The following FLNB variants were observed in gnomAD, a reference collection of about 807,000 sequenced individuals.
FLNB encodes the protein filamin-B.
Under a neutral mutation model 250.6 loss-of-function variants are expected in FLNB, and 111 were observed. The observed-to-expected ratio is 0.44, with a 90% CI of 0.38 to 0.52. FLNB has a LOEUF of 0.52. Among genes scored for constraint, FLNB ranks in the 20% least tolerant of loss-of-function variants. The pLI is 0.00. For synonymous variants in FLNB, 1,302 were observed against 1,372.1 expected (o/e 0.95, Z 1.13); for missense variants, 2,869 against 3,447.8 (o/e 0.83, Z 4.20).
chr3:58,109,739 G>T lies in FLNB; in HGVS notation c.2323+40G>T, dbSNP rs2708318. 0.39 allele frequency: 636,291 copies of T among 1,612,618 alleles called. 145,284 individuals carry two copies. Among genetic ancestry groups the T allele is most frequent in the East Asian group, 0.98 (43,996 of 44,874 alleles). ...TGTTCAACCCAGTGATCATTGCTCC[G>T]TGGGGAAGGCAGTTCTTTTCATAAC... On this transcript the variant is annotated intron_variant, in intron 15 of 45. Transcript: ENST00000295956.
rs1246158008 is a variant in FLNB, at chr3:58,169,927, G to T, written c.7621+134G>T. ...GGCCAGCCGTTTGCAAGTAACCATC[G>T]TCATGACCCTGTTCTCCTGCACTTA... On this transcript the variant is annotated intron_variant, in intron 45 of 45. Transcript: ENST00000295956. This position sits in a 1 kb window ranked among gnomAD's most constrained non-coding sequence, Gnocchi z 4.8. The T allele has an allele frequency of 1.6e-6, 1 of 639,840 alleles. No homozygotes were observed. The highest frequency in any genetic ancestry group is 2.7e-5 in the East Asian group (1 of 36,512). The allele number at this position is 639,840 out of a possible 1,614,324, so 39.6% of individuals were successfully genotyped here.
At chr3:58,029,576 C>T (rs1324086792) in intron 1 of FLNB, among the ~76,000 whole-genome samples, 1 of 151,302 alleles carries the variant, frequency 6.6e-6, no homozygotes, top group Non-Finnish European at 1.5e-5. Context: ...TCGATCTCGG[C>T]TCACTGCAGT....
intron 8 of FLNB, among the ~76,000 whole-genome samples, chr3:58,100,059 G>T (rs1410072475): frequency 6.6e-6 from 1 of 151,956 alleles, no homozygotes; most frequent in Non-Finnish European, 1.5e-5. Context: ...ACACATTAAA[G>T]CCCTCCGAGG....
intron 20 of FLNB, 64 bp downstream of exon 20, chr3:58,121,567 C>T (rs1316867710): frequency 1.9e-6 from 3 of 1,594,380 alleles, no homozygotes; most frequent in Non-Finnish European, 2.6e-6. Flanking sequence ...CATAGTCCTT[C>T]TCTGGTTCTT....
intron 1 of FLNB, among the ~76,000 whole-genome samples, chr3:58,049,143 G>A (rs933715975): frequency 3.3e-5 from 5 of 152,202 alleles, no homozygotes; most frequent in African/African-American, 9.7e-5. Context: ...GTTACAAGTC[G>A]TTGCGTAGGA....
intron 20 of FLNB, among the ~76,000 whole-genome samples, chr3:58,122,488 G>A (rs1016522957): frequency 1.5e-5 from 2 of 132,154 alleles, no homozygotes; most frequent in African/African-American, 3.0e-5. Flanking sequence ...GTGAGATTCC[G>A]TCCCCTCCAA....
chr3:58,036,527 G>T (rs543908987), intron 1 of FLNB, among the ~76,000 whole-genome samples: 2 of 152,314 alleles, frequency 1.3e-5, no homozygotes, highest in Non-Finnish European at 2.9e-5. Flanking sequence ...CGCTCTGGGA[G>T]GTGTCAGCTG....
chr3:58,064,481 T>C (rs776737613), intron 1 of FLNB, among the ~76,000 whole-genome samples: 7 of 152,064 alleles, frequency 4.6e-5, no homozygotes, highest in Non-Finnish European at 1.0e-4. Flanking sequence ...GAAATATTTA[T>C]TGAATATGAG....
chr3:58,021,138 T>C (rs192973188), intron 1 of FLNB, among the ~76,000 whole-genome samples: 2 of 152,230 alleles, frequency 1.3e-5, no homozygotes, highest in Admixed American at 6.5e-5. Context: ...GACACAAGAA[T>C]GGTTTGGCAT....
Position 58,134,792 on chromosome 3 carries a change from T to G in FLNB, c.4671+20T>G, listed in dbSNP as rs1343047410. 1.2e-6 allele frequency: 2 copies of G among 1,611,442 alleles called. No homozygotes were observed. The highest frequency in any genetic ancestry group is 3.3e-5 in the Admixed American group (2 of 60,024). On this transcript the variant is annotated intron_variant, in intron 27 of 45. Transcript: ENST00000295956. Reference sequence around the variant, plus strand: ...ATAACGGTAACTTGGAGTTATTTTCTGAGCCAAACCTTAATCCTAAGACTT... The same window carrying G: ...ATAACGGTAACTTGGAGTTATTTTCGGAGCCAAACCTTAATCCTAAGACTT...
At chr3:58,038,032 T>G (rs1057134504) in intron 1 of FLNB, among the ~76,000 whole-genome samples, 59 of 152,318 alleles carry the variant, frequency 3.9e-4, no homozygotes, top group African/African-American at 1.4e-3. Flanking sequence ...TTTGTTTGTT[T>G]GTTTGTTTGT....
At chr3:58,083,645 A>C (rs2097212587) in intron 4 of FLNB, among the ~76,000 whole-genome samples, 1 of 152,024 alleles carries the variant, frequency 6.6e-6, no homozygotes, top group Non-Finnish European at 1.5e-5. Flanking sequence ...TATTCTTAAG[A>C]CGACACATGG....
chr3:58,100,358 C>T (rs2097247755), intron 8 of FLNB, among the ~76,000 whole-genome samples: 1 of 33,610 alleles, frequency 3.0e-5, no homozygotes, highest in Non-Finnish European at 5.0e-5. Context: ...AATGATTTTA[C>T]ATATGTAAAA....
intron 1 of FLNB, among the ~76,000 whole-genome samples, chr3:58,068,084 A>G (rs999922178): frequency 2.0e-5 from 3 of 152,088 alleles, no homozygotes; most frequent in African/African-American, 7.2e-5. Flanking sequence ...TGCATGGAGC[A>G]GGCATGCCCA....
intron 1 of FLNB, among the ~76,000 whole-genome samples, chr3:58,037,839 T>C (rs954422990): frequency 6.6e-6 from 1 of 152,214 alleles, no homozygotes; most frequent in Non-Finnish European, 1.5e-5. Context: ...GAGAACATGA[T>C]CTTAAATGAA....
chr3:58,027,586 C>T (rs1371641217), intron 1 of FLNB, among the ~76,000 whole-genome samples: 1 of 152,162 alleles, frequency 6.6e-6, no homozygotes, highest in Admixed American at 6.5e-5. Context: ...CTGGCCCAGA[C>T]CCTGGCTCTT....
At chr3:58,056,834 C>T (rs2097171372) in intron 1 of FLNB, among the ~76,000 whole-genome samples, 2 of 152,182 alleles carry the variant, frequency 1.3e-5, no homozygotes, top group South Asian at 4.1e-4. Context: ...CCTGATCTGC[C>T]TGCCTCGGCC....
chr3:58,143,598 G>C lies in FLNB; in HGVS notation c.5410G>C (p.Gly1804Arg), dbSNP rs142786097. 1.5e-5 allele frequency: 24 copies of C among 1,613,950 alleles called. No homozygotes were observed. The highest frequency in any genetic ancestry group is 1.9e-5 in the Non-Finnish European group (23 of 1,180,058). ...CCATGAGATGCACATCAAATACATGGGCAGCCACATCCCTGGTAAGCTGAG... is the reference window on the plus strand; with the variant it reads ...CCATGAGATGCACATCAAATACATGCGCAGCCACATCCCTGGTAAGCTGAG... ...GLHEMHIKYM[G>R]SHIPESPLQF... The change falls in exon 32 of 46, where the codon GGC becomes CGC. Residue 1804 changes from glycine (G) to arginine (R), a missense_variant. By Grantham distance (125) the Gly-to-Arg change is moderately radical (BLOSUM62 -2). Around this residue, in one of 5 missense-constraint regions of FLNB, gnomAD observed 1,084 missense variants for 1,315.5 expected, o/e 0.82. Coordinates refer to ENST00000295956, the MANE Select transcript of FLNB (RefSeq NM_001457.4).
chr3:58,163,517 C>G, intron 43 of FLNB, 187 bp downstream of exon 43: 1 of 614,108 alleles, frequency 1.6e-6, no homozygotes, highest in East Asian at 2.8e-5. Flanking sequence ...CACGATAAAT[C>G]CAGAGTGAGA....
Sources: gnomAD v4.1 joint callset for allele counts (sites outside exome capture counted in the v4.1 genomes callset) on GRCh38, gnomAD v4.1.1 for gene constraint, gnomAD v4.1.1 regional missense constraint, Gnocchi (gnomAD v3.1) non-coding constraint, MANE v1.5 for transcripts, NCBI Gene and HGNC (gene_info 2026-07-23, HGNC 2026-07-21) for gene names.